AKAP6: variants seen among roughly 807,000 people sequenced by gnomAD.
The protein encoded by AKAP6 is A-kinase anchor protein 6.
Under a neutral mutation model 188.5 loss-of-function variants are expected in AKAP6, and 58 were observed. The observed-to-expected ratio is 0.31, with a 90% CI of 0.25 to 0.38. The LOEUF is 0.38. Among genes scored for constraint, AKAP6 ranks in the 10% least tolerant of loss-of-function variants. AKAP6 has a pLI of 1.00. For synonymous variants in AKAP6, 989 were observed against 998.6 expected (o/e 0.99, Z 0.18); for missense variants, 2,710 against 2,740.0 (o/e 0.99, Z 0.24).
chr14:32,492,758 GA>G (rs1410855345), intron 2 of AKAP6, among the ~76,000 whole-genome samples: 1 of 151,872 alleles, frequency 6.6e-6, no homozygotes, highest in Non-Finnish European at 1.5e-5. Context: ...ATCTAGTGAT[GA>G]AAAAAATAAC....
rs139337059 is a variant in AKAP6 at position 32,440,811 on chromosome 14, A to G, written c.324+6994A>G. 2.1e-3 allele frequency among the ~76,000 whole-genome samples: 327 copies of G among 152,316 alleles called. 2 individuals carry two copies. The highest frequency in any genetic ancestry group is 7.5e-3 in the African/African-American group (310 of 41,562). ...TGTTGATGGGTATGAGGATGGTAAC[A>G]TTTATTATTTTCCCAAAGCCCAGAT... On this transcript the variant is annotated intron_variant, in intron 2 of 13. Transcript: ENST00000280979.
chr14:32,652,830 A>G (rs1888288697), intron 7 of AKAP6, among the ~76,000 whole-genome samples: 1 of 152,080 alleles, frequency 6.6e-6, no homozygotes, highest in Non-Finnish European at 1.5e-5. Context: ...AGGTGGGAGG[A>G]ATACTTGAAC....
chr14:32,766,743 T>C (rs2032731009), intron 11 of AKAP6, among the ~76,000 whole-genome samples: 2 of 152,166 alleles, frequency 1.3e-5, no homozygotes, highest in African/African-American at 2.4e-5. Context: ...TTTTCTATGG[T>C]ATCATCTGAA....
At chr14:32,794,998 TATA>T (rs1566716846) in intron 12 of AKAP6, among the ~76,000 whole-genome samples, 3 of 152,074 alleles carry the variant, frequency 2.0e-5, no homozygotes, top group African/African-American at 7.2e-5. Context: ...TAGAAAATAC[TATA>T]AACACCTCTA....
intron 7 of AKAP6, among the ~76,000 whole-genome samples, chr14:32,647,901 G>A (rs1888050480): frequency 6.6e-6 from 1 of 152,062 alleles, no homozygotes; most frequent in Non-Finnish European, 1.5e-5. Flanking sequence ...CAGCATGACT[G>A]TACGGGCTTT....
intron 7 of AKAP6, among the ~76,000 whole-genome samples, chr14:32,606,088 G>A (rs1353264416): frequency 1.3e-5 from 2 of 151,996 alleles, no homozygotes; most frequent in African/African-American, 4.8e-5. Context: ...TGTTTTCCCA[G>A]GACTGTGAGA....
At chr14:32,662,838 G>A (rs1888760281) in intron 7 of AKAP6, among the ~76,000 whole-genome samples, 1 of 152,036 alleles carries the variant, frequency 6.6e-6, no homozygotes, top group Non-Finnish European at 1.5e-5. Context: ...TTTCTTTAGG[G>A]GTGGTAAAAT....
At chr14:32,354,636 C>G (rs1171470765) in intron 1 of AKAP6, among the ~76,000 whole-genome samples, 2 of 152,166 alleles carry the variant, frequency 1.3e-5, no homozygotes, top group African/African-American at 4.8e-5. Context: ...TTCTTTCAAC[C>G]CTCCCTTGAT....
intron 2 of AKAP6, among the ~76,000 whole-genome samples, chr14:32,444,714 T>C (rs1890703707): frequency 6.9e-6 from 1 of 144,906 alleles, no homozygotes. Flanking sequence ...CAAACTGGCC[T>C]TTGGCAAATT....
Position 32,786,296 on chromosome 14 carries a change from A to ATTTTTTTTTTTTTTT in AKAP6, c.3588+12404_3588+12405insTTTTTTTTTTTTTTT. 5.3e-5 allele frequency among the ~76,000 whole-genome samples: 5 copies of ATTTTTTTTTTTTTTT among 93,700 alleles called. 1 individual carries two copies. The highest frequency in any genetic ancestry group is 8.2e-5 in the African/African-American group (2 of 24,348). The allele number at this position is 93,700 out of a possible 152,430, so 61.5% of individuals were successfully genotyped here. On this transcript the variant is annotated intron_variant, in intron 12 of 13. Transcript: ENST00000280979. ...AGCCCTCTGAAAGACCTAAACCTTTATCTTTTTTTTTTTTTTTTTTTTTTT... is the reference window on the plus strand; with the variant it reads ...AGCCCTCTGAAAGACCTAAACCTTTATTTTTTTTTTTTTTTTCTTTTTTTTTTTTTTTTTTTTTTT...
intron 7 of AKAP6, among the ~76,000 whole-genome samples, chr14:32,654,017 A>G (rs2139543137): frequency 6.6e-6 from 1 of 152,266 alleles, no homozygotes; most frequent in South Asian, 2.1e-4. Flanking sequence ...CATGCGCACA[A>G]GTCTAATTTG....
chr14:32,672,018 G>A (rs557802979), intron 7 of AKAP6, among the ~76,000 whole-genome samples: 23 of 152,116 alleles, frequency 1.5e-4, no homozygotes, highest in Non-Finnish European at 3.1e-4. Flanking sequence ...TCCCCCAAAT[G>A]TGTTATACAC....
At chr14:32,515,531 G>T (rs1212731519) in intron 2 of AKAP6, among the ~76,000 whole-genome samples, 2 of 152,084 alleles carry the variant, frequency 1.3e-5, no homozygotes, top group East Asian at 3.9e-4. Flanking sequence ...TCTTATGGGT[G>T]GAGTACACAA....
chr14:32,445,972 C>T (rs182734301), intron 2 of AKAP6, among the ~76,000 whole-genome samples: 106 of 152,182 alleles, frequency 7.0e-4, no homozygotes, highest in Admixed American at 3.0e-3. Flanking sequence ...GATTCCTGGG[C>T]GTGCTGGACA....
chr14:32,755,952 C>A (rs2032316111), intron 11 of AKAP6, among the ~76,000 whole-genome samples: 1 of 152,256 alleles, frequency 6.6e-6, no homozygotes, highest in African/African-American at 2.4e-5. Flanking sequence ...CAAGAAGTAG[C>A]CACCTATTCC....
intron 5 of AKAP6, among the ~76,000 whole-genome samples, chr14:32,585,620 A>G (rs1885200610): frequency 6.6e-6 from 1 of 152,222 alleles, no homozygotes. Flanking sequence ...AAGAGAGGTA[A>G]CGATAGATTA....
At chr14:32,700,573 C>A (rs1353491501) in intron 9 of AKAP6, among the ~76,000 whole-genome samples, 9 of 152,158 alleles carry the variant, frequency 5.9e-5, no homozygotes, top group Non-Finnish European at 1.3e-4. Flanking sequence ...GATTATAATA[C>A]TATATTTTTA....
At position 32,433,488 on chromosome 14, in the gene AKAP6, T is replaced by C; in HGVS notation, c.-6T>C. On this transcript the variant is annotated 5_prime_UTR_variant, in exon 2 of 14. Transcript: ENST00000280979. ...TTTTGGAAAGAAGTGAGGTTTAGAC[T>C]TCTCCATGTTAACCATGAGCGTGAC... 6.2e-7 allele frequency: 1 copy of C among 1,612,452 alleles called. No individual in the cohort carries two copies. Among genetic ancestry groups the C allele is most frequent in the Non-Finnish European group, 8.5e-7 (1 of 1,178,684 alleles).
chr14:32,829,079 GC>G (rs2034757266), intron 13 of AKAP6, among the ~76,000 whole-genome samples: 1 of 152,178 alleles, frequency 6.6e-6, no homozygotes, highest in African/African-American at 2.4e-5. Flanking sequence ...TACAATAGTT[GC>G]ATCCTGCATT....
Sources: gnomAD v4.1 joint callset for allele counts (sites outside exome capture counted in the v4.1 genomes callset) on GRCh38, gnomAD v4.1.1 for gene constraint, MANE v1.5 for transcripts, NCBI Gene and HGNC (gene_info 2026-07-23, HGNC 2026-07-21) for gene names.